NLGN1: variants seen among roughly 807,000 people sequenced by gnomAD.
NLGN1 encodes neuroligin 1.
Under a neutral mutation model 65.5 loss-of-function variants are expected in NLGN1, and 12 were observed. The observed-to-expected ratio is 0.18, with a 90% CI of 0.12 to 0.30. NLGN1 has a LOEUF of 0.30. Ranked by LOEUF, NLGN1 falls within the 10% of genes least tolerant of loss-of-function variation. The pLI, the probability that NLGN1 is intolerant of heterozygous loss-of-function variation, is 1.00. For missense variants in NLGN1, 750 were observed against 1,007.1 expected, an observed-to-expected ratio of 0.74 and a Z score of 3.46; for synonymous variants, 350 against 359.5, an observed-to-expected ratio of 0.97 and a Z score of 0.30.
At chr3:174,057,152 T>C (rs1228167860) in intron 4 of NLGN1, among the ~76,000 whole-genome samples, 1 of 151,976 alleles carries the variant, frequency 6.6e-6, no homozygotes, top group Non-Finnish European at 1.5e-5. Flanking sequence ...ACTTAATTGG[T>C]TTTAAATTGC....
intron 4 of NLGN1, among the ~76,000 whole-genome samples, chr3:174,148,976 A>G (rs953345793): frequency 9.2e-5 from 14 of 152,130 alleles, no homozygotes; most frequent in African/African-American, 3.4e-4. Flanking sequence ...TTTTTCTTAC[A>G]TTATTTCCTA....
At chr3:174,082,978 C>T (rs925105365) in intron 4 of NLGN1, among the ~76,000 whole-genome samples, 28 of 152,174 alleles carry the variant, frequency 1.8e-4, no homozygotes, top group Admixed American at 1.1e-3. Flanking sequence ...CCGCCCATTT[C>T]GGCCTCCCGA....
At chr3:173,873,282 T>G (rs1288065492) in intron 4 of NLGN1, among the ~76,000 whole-genome samples, 1 of 151,974 alleles carries the variant, frequency 6.6e-6, no homozygotes, top group Non-Finnish European at 1.5e-5. Flanking sequence ...AGAGGTCGGG[T>G]TTCACCATGT....
At chr3:173,874,018 C>T (rs757841765) in intron 4 of NLGN1, among the ~76,000 whole-genome samples, 1 of 152,264 alleles carries the variant, frequency 6.6e-6, no homozygotes, top group African/African-American at 2.4e-5. Flanking sequence ...CACAGTGGGA[C>T]GATGGCCATC....
chr3:173,605,433 A>G, intron 3 of NLGN1, 101 bp from the exon 3 acceptor site: 1 of 533,872 alleles, frequency 1.9e-6, no homozygotes, highest in South Asian at 1.8e-5. Flanking sequence ...TTTCGCACTC[A>G]GTAAATGCAG....
chr3:173,499,448 G>T (rs1270320725), intron 2 of NLGN1, among the ~76,000 whole-genome samples: 4 of 151,788 alleles, frequency 2.6e-5, no homozygotes, highest in African/African-American at 9.7e-5. Flanking sequence ...TGCTGTTTTG[G>T]TTACTGTAGC....
At chr3:174,111,578 G>A (rs556665207) in intron 4 of NLGN1, among the ~76,000 whole-genome samples, 15 of 151,856 alleles carry the variant, frequency 9.9e-5, no homozygotes, top group South Asian at 2.1e-4. Flanking sequence ...GTTACATTTG[G>A]TAAAGTTAAA....
chr3:174,121,019 T>C (rs1214143192), intron 4 of NLGN1, among the ~76,000 whole-genome samples: 1 of 152,198 alleles, frequency 6.6e-6, no homozygotes, highest in African/African-American at 2.4e-5. Context: ...AAGCTAGTAG[T>C]CTGCAGCTTT....
chr3:173,938,151 A>G (rs1226706615), intron 4 of NLGN1, among the ~76,000 whole-genome samples: 1 of 152,168 alleles, frequency 6.6e-6, no homozygotes, highest in African/African-American at 2.4e-5. Context: ...AAATTGCATC[A>G]TATTTTGAGT....
At chr3:173,656,596 G>T (rs1760078358) in intron 3 of NLGN1, among the ~76,000 whole-genome samples, 1 of 152,030 alleles carries the variant, frequency 6.6e-6, no homozygotes. Context: ...CAGATGTGTT[G>T]CCTTCTCCTC....
At position 173,965,462 on chromosome 3, in the gene NLGN1, C is replaced by T. The variant is rs1037098325; in HGVS notation, c.646+157630C>T. ...CCTCTGTAGTAGCTGGGATTACAGGCGTGTGCCACCAGGCCCGGCTTTTTT... is the reference window on the plus strand; with the variant it reads ...CCTCTGTAGTAGCTGGGATTACAGGTGTGTGCCACCAGGCCCGGCTTTTTT... On this transcript the variant is annotated intron_variant, in intron 4 of 6. Transcript: ENST00000457714. Among the ~76,000 whole-genome samples, 10 of 150,064 alleles carry T rather than the reference C, an allele frequency of 6.7e-5. No homozygotes were observed. In the South Asian group the frequency reaches 1.1e-3, roughly 16 times the overall value.
At chr3:173,709,676 G>A (rs1768610914) in intron 3 of NLGN1, among the ~76,000 whole-genome samples, 1 of 151,682 alleles carries the variant, frequency 6.6e-6, no homozygotes, top group Non-Finnish European at 1.5e-5. Flanking sequence ...GGTGGTGAGT[G>A]CCTGTAATCC....
At chr3:173,575,074 A>G (rs950120880) in intron 2 of NLGN1, among the ~76,000 whole-genome samples, 3 of 152,174 alleles carry the variant, frequency 2.0e-5, no homozygotes, top group African/African-American at 7.2e-5. Flanking sequence ...TTGCATAGAG[A>G]CAGAGTCTCA....
At chr3:173,539,433 A>G (rs1485098403) in intron 2 of NLGN1, among the ~76,000 whole-genome samples, 2 of 143,732 alleles carry the variant, frequency 1.4e-5, no homozygotes, top group Non-Finnish European at 3.0e-5. Context: ...TATATAACAT[A>G]TATATGTACA....
At chr3:174,058,352 C>G (rs1361345456) in intron 4 of NLGN1, among the ~76,000 whole-genome samples, 1 of 152,038 alleles carries the variant, frequency 6.6e-6, no homozygotes, top group African/African-American at 2.4e-5. Context: ...TGGAGAGTAC[C>G]TGATTCAGTT....
chr3:173,743,644 G>T (rs1334032018), intron 3 of NLGN1, among the ~76,000 whole-genome samples: 1 of 152,090 alleles, frequency 6.6e-6, no homozygotes, highest in Admixed American at 6.6e-5. Flanking sequence ...TGTCTAAGTG[G>T]AAAATGTTTC....
chr3:173,913,041 TC>T (rs1281109212), intron 4 of NLGN1, among the ~76,000 whole-genome samples: 1 of 152,132 alleles, frequency 6.6e-6, no homozygotes, highest in Non-Finnish European at 1.5e-5. Context: ...TCCCTCTTTC[TC>T]TTCCACTTAA....
intron 2 of NLGN1, among the ~76,000 whole-genome samples, chr3:173,542,973 T>A (rs533015035): frequency 6.6e-6 from 1 of 152,224 alleles, no homozygotes; most frequent in African/African-American, 2.4e-5. Context: ...CCAGGTTCCA[T>A]GTCTTCAACT....
intron 4 of NLGN1, among the ~76,000 whole-genome samples, chr3:174,154,766 T>G (rs1446369491): frequency 6.6e-6 from 1 of 150,744 alleles, no homozygotes; most frequent in East Asian, 1.9e-4. Context: ...TATATGTATT[T>G]ATATACATGC....
Sources: allele counts gnomAD v4.1 joint callset (sites outside exome capture counted in the v4.1 genomes callset), GRCh38; gene constraint gnomAD v4.1.1; transcripts MANE v1.5; gene names NCBI Gene and HGNC (gene_info 2026-07-23, HGNC 2026-07-21).